Variants in INTS4 observed in about 807,000 individuals in gnomAD.
The protein encoded by INTS4 is MSTP093.
A neutral mutation model predicts 119.5 loss-of-function variants in INTS4; 70 were observed. That is an observed-to-expected ratio of 0.59 (90% confidence interval 0.48 to 0.71). The LOEUF is 0.71. INTS4 is among the 30% of genes least tolerant of loss of function. INTS4 has a pLI of 0.00. For synonymous variants in INTS4, 316 were observed against 419.6 expected (o/e 0.75, Z 3.02); for missense variants, 867 against 1,173.2 (o/e 0.74, Z 3.81).
chr11:77,928,599 C>T (rs1318510086), intron 10 of INTS4, 52 bp from the exon 11 acceptor site: 56 of 1,543,148 alleles, frequency 3.6e-5, no homozygotes, highest in Middle Eastern at 2.2e-4. Context: ...CAGTGGCTCA[C>T]GCCTGTAATC....
At chr11:77,917,830 C>T (rs1253783975) in intron 15 of INTS4, among the ~76,000 whole-genome samples, 1 of 151,790 alleles carries the variant, frequency 6.6e-6, no homozygotes, top group East Asian at 2.0e-4. Flanking sequence ...TCCCCAATAT[C>T]TTTCTCCCAT....
chr11:77,883,160 A>G (rs1186175200), intron 22 of INTS4, among the ~76,000 whole-genome samples: 1 of 152,130 alleles, frequency 6.6e-6, no homozygotes, highest in Non-Finnish European at 1.5e-5. Context: ...GGCATTCCCT[A>G]TCTCTAAAAT....
At chr11:77,954,748 A>G (rs1335006712) in intron 8 of INTS4, among the ~76,000 whole-genome samples, 2 of 152,232 alleles carry the variant, frequency 1.3e-5, no homozygotes, top group African/African-American at 4.8e-5. Context: ...CTGATCTGAC[A>G]GCAGGCAGAG....
chr11:77,947,986 G>C (rs1201953552), intron 8 of INTS4, among the ~76,000 whole-genome samples: 3 of 152,132 alleles, frequency 2.0e-5, no homozygotes, highest in African/African-American at 7.2e-5. Context: ...TGAGACTACA[G>C]ATGTGTGCCA....
chr11:77,980,781 G>A (rs535300206), intron 3 of INTS4, among the ~76,000 whole-genome samples: 1 of 152,222 alleles, frequency 6.6e-6, no homozygotes, highest in South Asian at 2.1e-4. Context: ...ACAAGGTCAG[G>A]AGATCAAGAC....
intron 4 of INTS4, among the ~76,000 whole-genome samples, chr11:77,977,360 A>G (rs1390613652): frequency 6.6e-6 from 1 of 151,974 alleles, no homozygotes; most frequent in Non-Finnish European, 1.5e-5. Flanking sequence ...TATAAAACAC[A>G]TACAAGAAAA....
intron 12 of INTS4, among the ~76,000 whole-genome samples, chr11:77,923,766 G>GTT (rs201749638): frequency 8.1e-5 from 11 of 136,252 alleles, no homozygotes; most frequent in African/African-American, 1.9e-4. Flanking sequence ...ATTGTTTATG[G>GTT]TTTTTTTTTT....
rs1052941805 is a variant in INTS4, at chr11:77,964,825, A to T, written c.472-3687T>A. On this transcript the variant is annotated intron_variant, in intron 4 of 22. Transcript: ENST00000534064. ...ACAAAGTCAGGCAAGATTTAATAAC[A>T]GTTGCTAAAATGGTGGGTAGTTTGA... 3.3e-5 allele frequency among the ~76,000 whole-genome samples: 5 copies of T among 151,948 alleles called. No homozygotes were observed. In the East Asian group the frequency reaches 7.7e-4, roughly 23 times the overall value.
In INTS4 at chr11:77,891,379, G is replaced by A. The variant is rs758705924; in HGVS notation, c.2532C>T (p.Ala844=). 1.9e-6 allele frequency: 3 copies of A among 1,611,858 alleles called. No homozygotes were observed. Among genetic ancestry groups the A allele is most frequent in the Middle Eastern group, 3.4e-4 (2 of 5,890 alleles). The part of the protein sequence containing the change: ...PLRFTSGLVV[A]LDVDATLEHV... ...GCTCCAGGGTTGCATCAACATCCAGGGCAACCACCAACCCAGAGGTAAACC... is the reference window on the plus strand; with the variant it reads ...GCTCCAGGGTTGCATCAACATCCAGAGCAACCACCAACCCAGAGGTAAACC... The change falls in exon 21 of 23, where the codon GCC becomes GCT. Residue 844 remains alanine, a synonymous_variant. Transcript: ENST00000534064.
intron 2 of INTS4, among the ~76,000 whole-genome samples, chr11:77,986,814 A>G (rs1295508187): frequency 6.6e-6 from 1 of 150,978 alleles, no homozygotes; most frequent in Non-Finnish European, 1.5e-5. Context: ...AGGGCGGGAA[A>G]CATCACACAC....
At chr11:77,885,971 C>T (rs571836201) in intron 21 of INTS4, among the ~76,000 whole-genome samples, 4 of 152,060 alleles carry the variant, frequency 2.6e-5, no homozygotes, top group Non-Finnish European at 5.9e-5. Flanking sequence ...GGGGCTGAGG[C>T]GGGAGGATTG....
Position 77,878,994 on chromosome 11 carries a change from G to C in INTS4, c.2847C>G (p.Ser949Arg), listed in dbSNP as rs749185225. The change falls in exon 23 of 23, where the codon AGC becomes AGG. Residue 949 changes from serine to arginine, a missense_variant. Transcript: ENST00000534064. ...GCATTATATAAACTTTTACAGGCTTGCTGAAGGGAATGGTGCCCTCGATGC... is the reference window on the plus strand; with the variant it reads ...GCATTATATAAACTTTTACAGGCTTCCTGAAGGGAATGGTGCCCTCGATGC... ...ETSIEGTIPF[S>R]KPVKVYIMPK... 6.2e-7 allele frequency: 1 copy of C among 1,614,130 alleles called. No individual in the cohort carries two copies. Among genetic ancestry groups the C allele is most frequent in the South Asian group, 1.1e-5 (1 of 91,080 alleles).
chr11:77,953,597 T>TA (rs1954247246), intron 8 of INTS4, among the ~76,000 whole-genome samples: 1 of 151,920 alleles, frequency 6.6e-6, no homozygotes, highest in Non-Finnish European at 1.5e-5. Flanking sequence ...ATTTTTTTTT[T>TA]TTTTGAGACA....
At chr11:77,926,361 T>C (rs1432826955) in intron 11 of INTS4, among the ~76,000 whole-genome samples, 7 of 152,190 alleles carry the variant, frequency 4.6e-5, no homozygotes, top group Admixed American at 3.9e-4. Context: ...CAAGGATTCT[T>C]TGTGAGTTAT....
In INTS4 at chr11:77,911,069, A is replaced by G. The variant is rs183818108; in HGVS notation, c.1923-3259T>C. 484 of 1,287,688 alleles carry G rather than the reference A, an allele frequency of 3.8e-4. 4 individuals carry two copies. The African/African-American group carries it at 6.8e-3, about 18-fold the overall frequency. The allele number at this position is 1,287,688 out of a possible 1,614,324, so 79.8% of individuals were successfully genotyped here. A position where few individuals can be genotyped will look rare whatever the true frequency, so the allele number is the denominator to read the frequency against. On this transcript the variant is annotated intron_variant, in intron 15 of 22. Transcript: ENST00000534064. ...AAAAAACCGTCCACTGGACTATGAC[A>G]CTTCCTCCCATCTCATGCTCGGCAG...
At chr11:77,876,556 T>G (rs2136335531), downstream of INTS4, among the ~76,000 whole-genome samples, 1 of 152,218 alleles carries the variant, frequency 6.6e-6, no homozygotes, top group African/African-American at 2.4e-5. Flanking sequence ...AGCAACAAAT[T>G]TGTCAGGAGC....
intron 4 of INTS4, among the ~76,000 whole-genome samples, chr11:77,966,638 T>C (rs1855512333): frequency 6.6e-6 from 1 of 152,194 alleles, no homozygotes; most frequent in Non-Finnish European, 1.5e-5. Flanking sequence ...TTCTATCCTG[T>C]TCCTTTAGTA....
At chr11:77,975,523 T>C (rs1855909563) in intron 4 of INTS4, among the ~76,000 whole-genome samples, 2 of 152,046 alleles carry the variant, frequency 1.3e-5, no homozygotes, top group African/African-American at 4.8e-5. Context: ...GCACATTGTA[T>C]GATAGTCATA....
chr11:77,925,612 G>C (rs1364591554), intron 11 of INTS4, among the ~76,000 whole-genome samples: 1 of 152,190 alleles, frequency 6.6e-6, no homozygotes, highest in African/African-American at 2.4e-5. Flanking sequence ...TATTAAAAGA[G>C]AGGCAAATCG....
Sources: allele counts gnomAD v4.1 joint callset (sites outside exome capture counted in the v4.1 genomes callset), GRCh38; gene constraint gnomAD v4.1.1; transcripts MANE v1.5; gene names NCBI Gene and HGNC (gene_info 2026-07-23, HGNC 2026-07-21).